FGF12: variants seen among roughly 807,000 people sequenced by gnomAD.
The protein encoded by FGF12 is fibroblast growth factor 12B.
FGF12 carries 14 observed loss-of-function variants against 23.6 expected under a neutral mutation model. The observed-to-expected ratio is 0.59, with a 90% CI of 0.39 to 0.93. The LOEUF (loss-of-function observed/expected upper bound fraction) is 0.93, where lower values mean the gene tolerates loss of function less well. Ranked by LOEUF, FGF12 falls within the 40% of genes least tolerant of loss-of-function variation. The pLI is 0.00. For missense variants in FGF12, 175 were observed against 217.8 expected (o/e 0.80, Z 1.24); for synonymous variants, 62 against 77.3 (o/e 0.80, Z 1.04).
chr3:192,340,588 T>G (rs1278042743), intron 3 of FGF12, among the ~76,000 whole-genome samples: 1 of 152,222 alleles, frequency 6.6e-6, no homozygotes, highest in Non-Finnish European at 1.5e-5. Flanking sequence ...TACATCTTTT[T>G]GTAAAGTTGA....
chr3:192,334,556 C>T (rs369964101), intron 4 of FGF12, among the ~76,000 whole-genome samples: 1 of 152,036 alleles, frequency 6.6e-6, no homozygotes, highest in Admixed American at 6.6e-5. Context: ...TTCAGTGCAG[C>T]CACATTCTCT....
intron 2 of FGF12, among the ~76,000 whole-genome samples, chr3:192,417,381 A>C (rs1721390834): frequency 6.6e-6 from 1 of 151,918 alleles, no homozygotes; most frequent in Non-Finnish European, 1.5e-5. Flanking sequence ...AATGCTAAAA[A>C]TGATCTGTGT....
At chr3:192,664,678 T>C (rs1392803588) in intron 2 of FGF12, among the ~76,000 whole-genome samples, 1 of 149,970 alleles carries the variant, frequency 6.7e-6, no homozygotes, top group Non-Finnish European at 1.5e-5. Flanking sequence ...AAGAGGAGAA[T>C]TGCTTGAACC....
At position 192,141,127 on chromosome 3, in the gene FGF12, CCAAAAAAAAAAAA is replaced by C. The variant is rs1036085242; in HGVS notation, c.*2869_*2881del. 5.0e-4 allele frequency: 11 copies of C among 21,860 alleles called. No homozygotes were observed. The highest frequency in any genetic ancestry group is 1.7e-3 in the African/African-American group (8 of 4,616). The allele number at this position is 21,860 out of a possible 1,614,324, so 1.4% of individuals were successfully genotyped here. A position where few individuals can be genotyped will look rare whatever the true frequency, so the allele number is the denominator to read the frequency against. ...TCCTGGGAAAAATCCCAATGCAACT[CCAAAAAAAAAAAA>C]AAAAAAAAAAAAAAGCTTATTTTAC... is the stretch of plus-strand genomic sequence containing the variant. On this transcript the variant is annotated 3_prime_UTR_variant, in exon 6 of 6. Transcript: ENST00000445105.
intron 2 of FGF12, among the ~76,000 whole-genome samples, chr3:192,468,797 C>T (rs1273363366): frequency 6.6e-6 from 1 of 152,174 alleles, no homozygotes; most frequent in Non-Finnish European, 1.5e-5. Context: ...ATTTTAGCCT[C>T]CATCAGGCAC....
intron 4 of FGF12, among the ~76,000 whole-genome samples, chr3:192,325,111 A>T (rs975568845): frequency 6.6e-6 from 1 of 152,292 alleles, no homozygotes; most frequent in Admixed American, 6.5e-5. Flanking sequence ...ATCCCAACAA[A>T]AAATAACCCA....
chr3:192,661,302 ACT>A (rs1375890297), intron 2 of FGF12, among the ~76,000 whole-genome samples: 1 of 152,216 alleles, frequency 6.6e-6, no homozygotes, highest in Non-Finnish European at 1.5e-5. Context: ...CGGGCGGATC[ACT>A]TGAGGTCAGG....
At chr3:192,491,434 C>CT (rs1723800861) in intron 2 of FGF12, among the ~76,000 whole-genome samples, 1 of 152,036 alleles carries the variant, frequency 6.6e-6, no homozygotes, top group Admixed American at 6.6e-5. Flanking sequence ...TTTTCATAAC[C>CT]TAATATCATG....
chr3:192,318,640 TAG>T (rs1267105969), intron 4 of FGF12, among the ~76,000 whole-genome samples: 1 of 151,634 alleles, frequency 6.6e-6, no homozygotes, highest in Non-Finnish European at 1.5e-5. Flanking sequence ...AAGGAGGAAG[TAG>T]AGAGAGAGAT....
rs185376326 is a variant in FGF12, at chr3:192,230,869, A to T, written c.229-60213T>A. Among the ~76,000 whole-genome samples the T allele has an allele frequency of 5.9e-5, 9 of 152,308 alleles. No individual in the cohort carries two copies. In the East Asian group the frequency reaches 1.7e-3, roughly 29 times the overall value. On this transcript the variant is annotated intron_variant, in intron 4 of 5. Coordinates refer to ENST00000445105, the MANE Select transcript of FGF12 (RefSeq NM_004113.6). Reference sequence around the variant, plus strand: ...TGTGATCTCCCAGGTTGTGGAAATCAAGTTGAAAAATATAGATGGTAGACA... The same window carrying T: ...TGTGATCTCCCAGGTTGTGGAAATCTAGTTGAAAAATATAGATGGTAGACA...
chr3:192,366,480 C>A (rs1718989834), intron 2 of FGF12, among the ~76,000 whole-genome samples: 1 of 152,122 alleles, frequency 6.6e-6, no homozygotes, highest in Non-Finnish European at 1.5e-5. Flanking sequence ...AACCCATCTC[C>A]TTCGTGGCAG....
chr3:192,628,742 T>C (rs1168011947), intron 2 of FGF12, among the ~76,000 whole-genome samples: 1 of 150,106 alleles, frequency 6.7e-6, no homozygotes, highest in Admixed American at 6.7e-5. Flanking sequence ...TACACATATA[T>C]ACATAAATAT....
chr3:192,434,422 C>G (rs1721954908), intron 2 of FGF12, among the ~76,000 whole-genome samples: 1 of 152,180 alleles, frequency 6.6e-6, no homozygotes, highest in African/African-American at 2.4e-5. Flanking sequence ...AAGTTGAACT[C>G]AGGAAGCCTG....
chr3:192,726,922 C>T (rs1719235217), intron 2 of FGF12: 3 of 540,046 alleles, frequency 5.6e-6, no homozygotes, highest in Non-Finnish European at 9.9e-6. Flanking sequence ...TGGGGGGACT[C>T]TCCCCACCTC....
At chr3:192,501,249 A>G (rs1025117517) in intron 2 of FGF12, among the ~76,000 whole-genome samples, 1 of 152,218 alleles carries the variant, frequency 6.6e-6, no homozygotes, top group East Asian at 1.9e-4. Context: ...AAGGGTTCTA[A>G]TAATTTTAAT....
At chr3:192,700,590 C>A (rs1034515585) in intron 2 of FGF12, among the ~76,000 whole-genome samples, 10 of 152,238 alleles carry the variant, frequency 6.6e-5, no homozygotes, top group African/African-American at 1.4e-4. Flanking sequence ...TTTGAGGCCA[C>A]AAAAGAGTCA....
intron 4 of FGF12, among the ~76,000 whole-genome samples, chr3:192,330,195 T>C (rs1717034605): frequency 6.6e-6 from 1 of 152,172 alleles, no homozygotes; most frequent in Non-Finnish European, 1.5e-5. Context: ...AAAATCTCAA[T>C]GTCGTTTTTT....
intron 4 of FGF12, among the ~76,000 whole-genome samples, chr3:192,222,325 T>C (rs1431749238): frequency 6.6e-6 from 1 of 152,188 alleles, no homozygotes; most frequent in African/African-American, 2.4e-5. Flanking sequence ...AATAAGGTTC[T>C]TCGGCTGTAA....
chr3:192,608,523 C>A (rs1440625536), intron 2 of FGF12, among the ~76,000 whole-genome samples: 1 of 152,088 alleles, frequency 6.6e-6, no homozygotes, highest in African/African-American at 2.4e-5. Context: ...TCAGCACATG[C>A]AGACCCTCCC....
Sources: allele counts gnomAD v4.1 joint callset (sites outside exome capture counted in the v4.1 genomes callset), GRCh38; gene constraint gnomAD v4.1.1; transcripts MANE v1.5; gene names NCBI Gene and HGNC (gene_info 2026-07-23, HGNC 2026-07-21).